LRMDA: variants seen among roughly 807,000 people sequenced by gnomAD.
The protein encoded by LRMDA is leucine rich melanocyte differentiation associated.
LRMDA carries 18 observed loss-of-function variants against 29.8 expected under a neutral mutation model. That is an observed-to-expected ratio of 0.60 (90% CI 0.42 to 0.90). LRMDA has a LOEUF of 0.90. Among genes scored for constraint, LRMDA ranks in the 40% least tolerant of loss-of-function variants. The pLI is 0.00. For missense variants in LRMDA, 273 were observed against 273.9 expected, an observed-to-expected ratio of 1.00 and a Z score of 0.02; for synonymous variants, 125 against 109.4, an observed-to-expected ratio of 1.14 and a Z score of -0.89.
At position 76,443,455 on chromosome 10, in the gene LRMDA, G is replaced by A. The variant is rs530755223; in HGVS notation, c.602-113754G>A. Among the ~76,000 whole-genome samples the A allele has an allele frequency of 5.3e-5, 8 of 152,234 alleles. No homozygotes were observed. In the East Asian group the frequency reaches 7.8e-4, roughly 15 times the overall value. ...AGCACTTTGCTGACTAGTACTTTGCGGATTAGATAATGGTAGTTAGCTTTC... is the reference window on the plus strand; with the variant it reads ...AGCACTTTGCTGACTAGTACTTTGCAGATTAGATAATGGTAGTTAGCTTTC... On this transcript the variant is annotated intron_variant, in intron 6 of 6. Transcript: ENST00000611255.
intron 2 of LRMDA, among the ~76,000 whole-genome samples, chr10:75,917,341 G>A (rs1697293509): frequency 1.3e-5 from 2 of 152,310 alleles, no homozygotes; most frequent in South Asian, 4.1e-4. Flanking sequence ...AGGCCAAGCA[G>A]CATGGGTCTC....
At chr10:75,606,048 G>C (rs935585387) in intron 2 of LRMDA, among the ~76,000 whole-genome samples, 1 of 143,488 alleles carries the variant, frequency 7.0e-6, no homozygotes, top group Non-Finnish European at 1.5e-5. Context: ...TGCAGAGATG[G>C]GGTTTCATCA....
chr10:75,670,315 GA>G (rs1841875594), intron 2 of LRMDA, among the ~76,000 whole-genome samples: 1 of 152,238 alleles, frequency 6.6e-6, no homozygotes, highest in African/African-American at 2.4e-5. Flanking sequence ...GTAGAAGTCA[GA>G]GGATGCAGAA....
At chr10:75,753,578 T>C (rs957689266) in intron 2 of LRMDA, among the ~76,000 whole-genome samples, 6 of 152,004 alleles carry the variant, frequency 3.9e-5, no homozygotes, top group African/African-American at 1.4e-4. Context: ...GCTGGTGAGC[T>C]GGCTAGGAAG....
chr10:75,539,880 T>A (rs1194611070), intron 2 of LRMDA, among the ~76,000 whole-genome samples: 1 of 152,132 alleles, frequency 6.6e-6, no homozygotes, highest in Non-Finnish European at 1.5e-5. Context: ...GAAGTCAGAG[T>A]CTGTCAGAGT....
At chr10:76,522,498 A>G (rs185179489) in intron 6 of LRMDA, among the ~76,000 whole-genome samples, 63 of 152,332 alleles carry the variant, frequency 4.1e-4, no homozygotes, top group Admixed American at 2.4e-3. Context: ...GAATGAATCA[A>G]TCACTCTGCA....
chr10:75,851,957 T>C (rs1204138735), intron 2 of LRMDA, among the ~76,000 whole-genome samples: 1 of 152,244 alleles, frequency 6.6e-6, no homozygotes, highest in Non-Finnish European at 1.5e-5. Context: ...GATCCATGAC[T>C]TGTAGCCTTA....
intron 5 of LRMDA, among the ~76,000 whole-genome samples, chr10:76,289,563 A>G (rs897293990): frequency 4.6e-5 from 7 of 152,134 alleles, no homozygotes; most frequent in Admixed American, 1.3e-4. Context: ...AATAAAACGC[A>G]TTGTCTAATC....
At chr10:76,255,777 A>G (rs1413554340) in intron 5 of LRMDA, among the ~76,000 whole-genome samples, 1 of 152,248 alleles carries the variant, frequency 6.6e-6, no homozygotes, top group Admixed American at 6.5e-5. Flanking sequence ...AGCTCACAAA[A>G]GAATTGATTA....
intron 2 of LRMDA, among the ~76,000 whole-genome samples, chr10:76,014,104 AAGTATATATATATATATAT>A (rs1446655180): frequency 5.9e-5 from 8 of 136,594 alleles, no homozygotes; most frequent in African/African-American, 8.4e-5. Flanking sequence ...TAAAAAAAAA[AAGTATATATATATATATAT>A]AATTATATAT....
intron 6 of LRMDA, among the ~76,000 whole-genome samples, chr10:76,416,160 T>C (rs1398301477): frequency 6.6e-6 from 1 of 152,140 alleles, no homozygotes; most frequent in Non-Finnish European, 1.5e-5. Context: ...AGCATTCAAC[T>C]AATATGGCAG....
chr10:75,628,305 C>T (rs1464959321), intron 2 of LRMDA, among the ~76,000 whole-genome samples: 1 of 152,172 alleles, frequency 6.6e-6, no homozygotes, highest in South Asian at 2.1e-4. Flanking sequence ...CAAATGGCAA[C>T]ACAACCTGAT....
intron 2 of LRMDA, among the ~76,000 whole-genome samples, chr10:75,715,732 A>G (rs1199813625): frequency 1.3e-5 from 2 of 151,966 alleles, no homozygotes; most frequent in Admixed American, 1.3e-4. Flanking sequence ...ATAATATTTT[A>G]TTGTAGTTTT....
chr10:76,402,728 G>A (rs1170773793), intron 6 of LRMDA, among the ~76,000 whole-genome samples: 3 of 152,188 alleles, frequency 2.0e-5, no homozygotes, highest in Non-Finnish European at 4.4e-5. Context: ...GTCTAGGTCT[G>A]TAGTCCAGTA....
At chr10:76,361,248 G>A (rs1201614258) in intron 6 of LRMDA, among the ~76,000 whole-genome samples, 2 of 149,700 alleles carry the variant, frequency 1.3e-5, no homozygotes, top group Non-Finnish European at 2.9e-5. Flanking sequence ...ATGACAGAGC[G>A]AGACTGTCTC....
chr10:75,863,771 A>G (rs1387237284), intron 2 of LRMDA, among the ~76,000 whole-genome samples: 1 of 152,200 alleles, frequency 6.6e-6, no homozygotes, highest in African/African-American at 2.4e-5. Context: ...TTCAGATGGG[A>G]AACTTGACTT....
At chr10:75,684,481 C>T (rs1176274431) in intron 2 of LRMDA, among the ~76,000 whole-genome samples, 1 of 152,052 alleles carries the variant, frequency 6.6e-6, no homozygotes, top group East Asian at 1.9e-4. Context: ...AATTCTTAGC[C>T]AGATATTCCT....
intron 5 of LRMDA, among the ~76,000 whole-genome samples, chr10:76,176,226 C>G (rs1850931260): frequency 6.6e-6 from 1 of 152,198 alleles, no homozygotes; most frequent in African/African-American, 2.4e-5. Flanking sequence ...TTTCAACACT[C>G]TGTCCTGTAC....
chr10:75,884,589 G>A (rs1374470964), intron 2 of LRMDA, among the ~76,000 whole-genome samples: 2 of 152,184 alleles, frequency 1.3e-5, no homozygotes, highest in Non-Finnish European at 2.9e-5. Context: ...AGCCTTGTAG[G>A]CTAGACCTAG....
Sources: allele counts gnomAD v4.1 joint callset (sites outside exome capture counted in the v4.1 genomes callset), GRCh38; gene constraint gnomAD v4.1.1; transcripts MANE v1.5; gene names NCBI Gene and HGNC (gene_info 2026-07-23, HGNC 2026-07-21).